LMO3: variants seen among roughly 807,000 people sequenced by gnomAD.
The protein encoded by LMO3 is LIM domain only protein 3.
A neutral mutation model predicts 15.8 loss-of-function variants in LMO3; 2 were observed. The ratio of observed to expected loss-of-function variants is 0.13; its 90% CI spans 0.05 to 0.40. LMO3 has a LOEUF of 0.40. Ranked by LOEUF, LMO3 falls within the 10% of genes least tolerant of loss-of-function variation. LMO3 has a pLI of 0.99. For missense variants in LMO3, 86 were observed against 182.2 expected (o/e 0.47, Z 3.04); for synonymous variants, 62 against 63.8 (o/e 0.97, Z 0.13).
chr12:16,556,715 A>G (rs1942205601), intron 3 of LMO3, among the ~76,000 whole-genome samples: 2 of 152,214 alleles, frequency 1.3e-5, no homozygotes, highest in African/African-American at 4.8e-5. Flanking sequence ...AGCAAACTTC[A>G]GAGTAAAAGG....
rs1942166023 is a variant in LMO3, at chr12:16,555,695, C to T, written c.333-4368G>A. On this transcript the variant is annotated intron_variant, in intron 3 of 3. Coordinates refer to ENST00000537304, the MANE Select transcript of LMO3 (RefSeq NM_018640.5). The surrounding 1 kb of genome is among the most constrained non-coding windows in gnomAD (Gnocchi z 5.5). ...TCTACTCCTCCATGTGCCTACCAAA[C>T]CGCTTCTCTAATCTCTGAACATACT... Among the ~76,000 whole-genome samples, 1 of 152,200 alleles carries T rather than the reference C, an allele frequency of 6.6e-6. No individual in the cohort carries two copies. The highest frequency in any genetic ancestry group is 1.5e-5 in the Non-Finnish European group (1 of 68,030).
At position 16,560,320 on chromosome 12, in the gene LMO3, TTTAAA is replaced by T; in HGVS notation, c.332+88_332+92del. On this transcript the variant is annotated intron_variant, in intron 3 of 3. Transcript: ENST00000537304. The surrounding 1 kb of genome is among the most constrained non-coding windows in gnomAD (Gnocchi z 5.0). ...ACAGAAAAACGCTGAGATTGATTGC[TTTAAA>T]TGTATGAATATAATTTCCACCTATT... 1 of 1,371,726 alleles carries T rather than the reference TTTAAA, an allele frequency of 7.3e-7. No individual in the cohort carries two copies. The allele number at this position is 1,371,726 out of a possible 1,614,324, so 85.0% of individuals were successfully genotyped here.
rs1295930877 is a variant in LMO3, at chr12:16,549,451, G to A, written c.*1771C>T. ...AGGCAATATCCAGATTCACATGCATGTTCATAATAAAGCTTTGTTTTAAAA... is the reference window on the plus strand; with the variant it reads ...AGGCAATATCCAGATTCACATGCATATTCATAATAAAGCTTTGTTTTAAAA... On this transcript the variant is annotated 3_prime_UTR_variant, in exon 4 of 4. Transcript: ENST00000537304. The A allele has an allele frequency of 1.3e-5, 2 of 152,406 alleles. No homozygotes were observed. Among genetic ancestry groups the A allele is most frequent in the Non-Finnish European group, 2.9e-5 (2 of 67,970 alleles). 9.4% of individuals were successfully genotyped at this position (152,406 alleles called of 1,614,324 possible).
In LMO3 at chr12:16,595,973, A is replaced by C. The variant is rs570596462; in HGVS notation, c.206+4682T>G. Among the ~76,000 whole-genome samples the C allele has an allele frequency of 7.9e-5, 12 of 151,670 alleles. No homozygotes were observed. In the South Asian group the frequency reaches 2.5e-3, roughly 31 times the overall value. ...AAGAAAAAAGAATGAATATTGTATC[A>C]ACATTAAAAAAGCATCTGTGCTATA... On this transcript the variant is annotated intron_variant, in intron 2 of 3. Coordinates refer to ENST00000537304, the MANE Select transcript of LMO3 (RefSeq NM_018640.5).
At chr12:16,561,903 A>C (rs1942419790) in intron 2 of LMO3, among the ~76,000 whole-genome samples, 1 of 152,220 alleles carries the variant, frequency 6.6e-6, no homozygotes, top group African/African-American at 2.4e-5. Flanking sequence ...TAGTCTGTGC[A>C]CTTGATAAAA....
At chr12:16,573,668 T>A (rs1942898507) in intron 2 of LMO3, 1 of 152,220 alleles carries the variant, frequency 6.6e-6, no homozygotes, top group African/African-American at 2.4e-5. Flanking sequence ...GAGGCTCCCT[T>A]CCTGCTCTGC....
rs1943204108 is a variant in LMO3 at position 16,582,872 on chromosome 12, A to AC, written c.206+17782dup. Among the ~76,000 whole-genome samples the AC allele has an allele frequency of 6.6e-6, 1 of 151,820 alleles. No homozygotes were observed. The highest frequency in any genetic ancestry group is 1.5e-5 in the Non-Finnish European group (1 of 67,980). On this transcript the variant is annotated intron_variant, in intron 2 of 3. Transcript: ENST00000537304. This position sits in a 1 kb window ranked among gnomAD's most constrained non-coding sequence, Gnocchi z 4.1. ...AGACCAGCCTGGCCAACATGGCGAA[A>AC]CCCCGTCTCTACTAAAATAAAAAAA...
At chr12:16,580,158 A>C (rs990141287) in intron 2 of LMO3, among the ~76,000 whole-genome samples, 1 of 152,090 alleles carries the variant, frequency 6.6e-6, no homozygotes. Context: ...TAGAGATGGG[A>C]TCTCTCTATG....
At position 16,560,371 on chromosome 12, in the gene LMO3, G is replaced by C. The variant is rs201376237; in HGVS notation, c.332+42C>G. 12 of 1,591,716 alleles carry C rather than the reference G, an allele frequency of 7.5e-6. No homozygotes were observed. Among genetic ancestry groups the C allele is most frequent in the Non-Finnish European group, 1.0e-5 (12 of 1,169,628 alleles). On this transcript the variant is annotated intron_variant, in intron 3 of 3. Transcript: ENST00000537304. The surrounding 1 kb of genome is among the most constrained non-coding windows in gnomAD (Gnocchi z 5.0). ...CTATTAAATAAATAGCCAGCACAGA[G>C]AGGTTAACCATTTCTTAGAGACCAA... is the stretch of plus-strand genomic sequence containing the variant.
At chr12:16,581,439 A>C (rs1167607607) in intron 2 of LMO3, among the ~76,000 whole-genome samples, 1 of 152,310 alleles carries the variant, frequency 6.6e-6, no homozygotes, top group Non-Finnish European at 1.5e-5. Flanking sequence ...TATATAACTC[A>C]TTGAGAATAC....
At chr12:16,566,035 TA>T (rs1942596322) in intron 2 of LMO3, among the ~76,000 whole-genome samples, 1 of 85,748 alleles carries the variant, frequency 1.2e-5, no homozygotes, top group African/African-American at 4.5e-5. Flanking sequence ...TATATATATA[TA>T]TATAAAATGG....
At chr12:16,579,328 C>T (rs765838881) in intron 2 of LMO3, among the ~76,000 whole-genome samples, 6 of 152,162 alleles carry the variant, frequency 3.9e-5, no homozygotes, top group Non-Finnish European at 7.4e-5. Context: ...AGCTGTGTTT[C>T]ACAAGGAGGT....
At position 16,549,163 on chromosome 12, in the gene LMO3, C is replaced by T. The variant is rs1460441220; in HGVS notation, c.*2059G>A. ...GGGCTGCATTAAGAAAACCACTTTTCACTGATCTCTCCCCCACATATTTTT... is the reference window on the plus strand; with the variant it reads ...GGGCTGCATTAAGAAAACCACTTTTTACTGATCTCTCCCCCACATATTTTT... On this transcript the variant is annotated 3_prime_UTR_variant, in exon 4 of 4. Coordinates refer to ENST00000537304, the MANE Select transcript of LMO3 (RefSeq NM_018640.5). 6.6e-6 allele frequency: 1 copy of T among 152,116 alleles called. No homozygotes were observed. Among genetic ancestry groups the T allele is most frequent in the Non-Finnish European group, 1.5e-5 (1 of 68,010 alleles). The allele number at this position is 152,116 out of a possible 1,614,324, so 9.4% of individuals were successfully genotyped here.
rs1941971242 is a variant in LMO3, at chr12:16,551,085, T to G, written c.*137A>C. On this transcript the variant is annotated 3_prime_UTR_variant, in exon 4 of 4. Coordinates refer to ENST00000537304, the MANE Select transcript of LMO3 (RefSeq NM_018640.5). ...CACTACATACAGATGCAGTCCGCCTTTTATTCCATATAACCATCCTGCCTT... is the reference window on the plus strand; with the variant it reads ...CACTACATACAGATGCAGTCCGCCTGTTATTCCATATAACCATCCTGCCTT... The G allele has an allele frequency of 1.7e-6, 1 of 592,436 alleles. No individual in the cohort carries two copies. The highest frequency in any genetic ancestry group is 2.8e-5 in the Admixed American group (1 of 35,492). 36.7% of individuals were successfully genotyped at this position (592,436 alleles called of 1,614,324 possible). A position where few individuals can be genotyped will look rare whatever the true frequency, so the allele number is the denominator to read the frequency against.
upstream of LMO3, chr12:16,608,212 GAAGAA>G (rs1944066648): frequency 7.1e-6 from 1 of 140,188 alleles, no homozygotes; most frequent in Non-Finnish European, 1.6e-5. This position sits in a 1 kb window ranked among gnomAD's most constrained non-coding sequence, Gnocchi z 4.1. Flanking sequence ...GCACTGAGAA[GAAGAA>G]AAGAGGGAGG....
intron 2 of LMO3, among the ~76,000 whole-genome samples, chr12:16,570,422 T>C (rs1401749708): frequency 6.6e-6 from 1 of 152,022 alleles, no homozygotes; most frequent in Non-Finnish European, 1.5e-5. Flanking sequence ...ACTCATCTCG[T>C]AATTAAGGCA....
In LMO3 at chr12:16,604,963, G is replaced by C. The variant is rs1030092428; in HGVS notation, c.-9+1103C>G. 5 of 1,597,854 alleles carry C rather than the reference G, an allele frequency of 3.1e-6. No individual in the cohort carries two copies. In the African/African-American group the frequency reaches 4.0e-5, roughly 13 times the overall value. On this transcript the variant is annotated intron_variant, in intron 1 of 3. Transcript: ENST00000537304. This position sits in a 1 kb window ranked among gnomAD's most constrained non-coding sequence, Gnocchi z 5.3. ...AAACCCAAAGGTAGAAGTAGAAGGGGGTCTCCTTGATTTCGCTTAAGTGTG... is the reference window on the plus strand; with the variant it reads ...AAACCCAAAGGTAGAAGTAGAAGGGCGTCTCCTTGATTTCGCTTAAGTGTG...
At chr12:16,605,193 C>A (rs1174986926) in intron 1 of LMO3, 4 of 1,339,472 alleles carry the variant, frequency 3.0e-6, no homozygotes, top group Non-Finnish European at 3.8e-6. Context: ...TCCTAAAATC[C>A]CAGCGGCCCC....
chr12:16,554,522 C>G (rs1197119634), intron 3 of LMO3, among the ~76,000 whole-genome samples: 1 of 152,154 alleles, frequency 6.6e-6, no homozygotes, highest in Admixed American at 6.5e-5. Flanking sequence ...AATTTACTGT[C>G]TTTCCCACTG....
Sources: gnomAD v4.1 joint callset for allele counts (sites outside exome capture counted in the v4.1 genomes callset) on GRCh38, gnomAD v4.1.1 for gene constraint, Gnocchi (gnomAD v3.1) non-coding constraint, MANE v1.5 for transcripts, NCBI Gene and HGNC (gene_info 2026-07-23, HGNC 2026-07-21) for gene names.